INO80D: variants seen among roughly 807,000 people sequenced by gnomAD.
INO80D encodes INO80 complex subunit D.
Under a neutral mutation model 87.6 loss-of-function variants are expected in INO80D, and 21 were observed. The observed-to-expected ratio is 0.24, with a 90% CI of 0.17 to 0.35. The LOEUF (loss-of-function observed/expected upper bound fraction) is 0.35. INO80D is among the 10% of genes least tolerant of loss of function. The pLI is 1.00. For synonymous variants in INO80D, 440 were observed against 491.0 expected (o/e 0.90, Z 1.37); for missense variants, 982 against 1,280.7 (o/e 0.77, Z 3.56).
At chr2:206,042,573 C>T (rs990475815) in intron 5 of INO80D, among the ~76,000 whole-genome samples, 1 of 150,998 alleles carries the variant, frequency 6.6e-6, no homozygotes, top group African/African-American at 2.4e-5. Context: ...TCCTGCTACT[C>T]GGGAGGCTGA....
chr2:206,084,213 AT>A (rs147226445), intron 1 of INO80D, among the ~76,000 whole-genome samples: 13,102 of 148,158 alleles, frequency 0.088, 839 homozygotes, highest in Admixed American at 0.2. Flanking sequence ...ATACACATAT[AT>A]TTTTTTTTCG....
At chr2:206,014,323 T>A (rs1473659492) in intron 8 of INO80D, among the ~76,000 whole-genome samples, 4 of 152,222 alleles carry the variant, frequency 2.6e-5, no homozygotes, top group Non-Finnish European at 5.9e-5. Context: ...AAGTTCTTGG[T>A]GAAGAAGCCA....
At chr2:206,071,121 G>C (rs1435047729) in intron 1 of INO80D, among the ~76,000 whole-genome samples, 2 of 151,674 alleles carry the variant, frequency 1.3e-5, no homozygotes, top group South Asian at 4.2e-4. Context: ...ACCATGCTCA[G>C]GTAATTTTAG....
At chr2:206,025,094 C>T (rs551553850) in intron 6 of INO80D, among the ~76,000 whole-genome samples, 9 of 151,994 alleles carry the variant, frequency 5.9e-5, no homozygotes, top group African/African-American at 1.9e-4. Flanking sequence ...CCTCAAGTGA[C>T]TTATGATCAT....
At chr2:206,028,871 G>A (rs1167821213) in intron 5 of INO80D, among the ~76,000 whole-genome samples, 3 of 151,044 alleles carry the variant, frequency 2.0e-5, no homozygotes, top group African/African-American at 7.3e-5. Context: ...ATTCTACCAT[G>A]TATTTTTGTT....
chr2:206,043,915 G>A (rs1350830742), intron 5 of INO80D, among the ~76,000 whole-genome samples: 1 of 152,160 alleles, frequency 6.6e-6, no homozygotes, highest in African/African-American at 2.4e-5. Flanking sequence ...GGACAGGTCA[G>A]GCATGGTCGC....
At chr2:206,007,262 TG>T in intron 10 of INO80D, 21 bp downstream of exon 10, 1 of 1,599,170 alleles carries the variant, frequency 6.3e-7, no homozygotes, top group Non-Finnish European at 8.5e-7. Context: ...CCAGTTTCCT[TG>T]AGTCAAAATA....
At chr2:206,008,447 A>C (rs989165552) in intron 9 of INO80D, among the ~76,000 whole-genome samples, 8 of 144,502 alleles carry the variant, frequency 5.5e-5, no homozygotes, top group Non-Finnish European at 1.2e-4. Flanking sequence ...CACCCGGCTA[A>C]TTTTTGTATT....
chr2:206,030,767 T>C (rs1458682413), intron 5 of INO80D, among the ~76,000 whole-genome samples: 1 of 152,200 alleles, frequency 6.6e-6, no homozygotes, highest in Non-Finnish European at 1.5e-5. Flanking sequence ...TTTGCACTCC[T>C]AACTGCTAAG....
At chr2:206,014,393 C>T (rs1340865982) in intron 8 of INO80D, among the ~76,000 whole-genome samples, 2 of 152,120 alleles carry the variant, frequency 1.3e-5, no homozygotes, top group African/African-American at 4.8e-5. Context: ...CCCATAATTC[C>T]CACGTGTTGT....
intron 8 of INO80D, 26 bp downstream of exon 8, chr2:206,017,654 T>G: frequency 6.5e-7 from 1 of 1,529,998 alleles, no homozygotes; most frequent in Non-Finnish European, 8.8e-7. Context: ...TACAAAAAGT[T>G]TGAAAGCCTC....
chr2:206,064,649 A>G (rs939222768), intron 1 of INO80D, among the ~76,000 whole-genome samples: 7 of 152,226 alleles, frequency 4.6e-5, no homozygotes, highest in African/African-American at 1.7e-4. Flanking sequence ...CAAATGATAC[A>G]AAGCATCCAA....
intron 4 of INO80D, among the ~76,000 whole-genome samples, chr2:206,048,727 C>A (rs1461028884): frequency 6.6e-6 from 1 of 152,104 alleles, no homozygotes; most frequent in Non-Finnish European, 1.5e-5. Flanking sequence ...GACCCCGACT[C>A]TACAACAAAC....
intron 5 of INO80D, among the ~76,000 whole-genome samples, chr2:206,034,563 T>A (rs906223997): frequency 3.9e-5 from 6 of 152,156 alleles, no homozygotes; most frequent in African/African-American, 1.4e-4. Context: ...ATTAAAACTT[T>A]CAGCAAAATT....
Position 206,052,142 on chromosome 2 carries a change from C to T in INO80D, c.964+4056G>A, listed in dbSNP as rs778781983. Reference sequence around the variant, plus strand: ...GCTGTCCTGAGGAAGAGGACTTACACAACTGTTTTTATTGCAACCTGACCA... The same window carrying T: ...GCTGTCCTGAGGAAGAGGACTTACATAACTGTTTTTATTGCAACCTGACCA... On this transcript the variant is annotated intron_variant, in intron 4 of 10. Coordinates refer to ENST00000403263, the MANE Select transcript of INO80D (RefSeq NM_017759.5). Among the ~76,000 whole-genome samples, 111 of 152,156 alleles carry T rather than the reference C, an allele frequency of 7.3e-4. 4 individuals are homozygous for T. The highest frequency in any genetic ancestry group is 2.5e-4 in the Non-Finnish European group (17 of 68,028).
intron 8 of INO80D, among the ~76,000 whole-genome samples, chr2:206,010,077 ACACACACACG>A (rs1317880593): frequency 6.8e-6 from 1 of 146,296 alleles, no homozygotes; most frequent in African/African-American, 2.4e-5. Context: ...ACACACACAC[ACACACACACG>A]CACACACACG....
intron 3 of INO80D, 89 bp from the exon 4 acceptor site, chr2:206,057,032 A>G (rs1447038067): frequency 1.5e-6 from 2 of 1,317,990 alleles, no homozygotes; most frequent in Non-Finnish European, 2.0e-6. Context: ...CCTAATGTTA[A>G]AAATTGCGTC....
chr2:206,014,769 C>G (rs932307636), intron 8 of INO80D, among the ~76,000 whole-genome samples: 10 of 152,022 alleles, frequency 6.6e-5, no homozygotes, highest in African/African-American at 2.4e-4. Flanking sequence ...AACTTTGGAG[C>G]TGGGTAACAG....
chr2:206,035,513 T>C (rs766624196), intron 5 of INO80D, among the ~76,000 whole-genome samples: 1 of 152,006 alleles, frequency 6.6e-6, no homozygotes, highest in Non-Finnish European at 1.5e-5. Flanking sequence ...CAACAAATGG[T>C]GCTGGGATAA....
Sources: allele counts gnomAD v4.1 joint callset (sites outside exome capture counted in the v4.1 genomes callset), GRCh38; gene constraint gnomAD v4.1.1; transcripts MANE v1.5; gene names NCBI Gene and HGNC (gene_info 2026-07-23, HGNC 2026-07-21).